Variants in PYDC2 observed in about 807,000 individuals in gnomAD.
The protein encoded by PYDC2 is pyrin domain containing 2, also known as pyrin domain-containing protein 2.
For missense variants in PYDC2, 123 were observed against 112.2 expected (o/e 1.10, Z -0.43); for synonymous variants, 51 against 44.6 (o/e 1.14, Z -0.57).
At position 191,461,300 on chromosome 3, in the gene PYDC2, G is replaced by T. The variant is rs1179344619; in HGVS notation, c.138G>T (p.Glu46Asp). 6.2e-7 allele frequency: 1 copy of T among 1,614,002 alleles called. No homozygotes were observed. Among genetic ancestry groups the T allele is most frequent in the Non-Finnish European group, 8.5e-7 (1 of 1,179,972 alleles). Reference protein sequence around the residue: ...GKELQTVPQTEVDKANGKQLV... With the variant: ...GKELQTVPQTDVDKANGKQLV... The stretch of plus-strand genomic sequence containing the variant: ...AGCTACAGACCGTCCCCCAGACAGA[G>T]GTAGACAAGGCTAATGGGAAGCAAC... Residue 46 changes from glutamate to aspartate, a missense_variant, in exon 1 of 1, where the codon GAG (glutamate) becomes GAT (aspartate). Glu to Asp is a conservative substitution (Grantham distance 45). Coordinates refer to ENST00000518817, the MANE Select transcript of PYDC2 (RefSeq NM_001083308.1).
In PYDC2 at chr3:191,461,328, G is replaced by C. The variant is rs757320262; in HGVS notation, c.166G>C (p.Val56Leu). 6.2e-7 allele frequency: 1 copy of C among 1,613,756 alleles called. No individual in the cohort carries two copies. Among genetic ancestry groups the C allele is most frequent in the Non-Finnish European group, 8.5e-7 (1 of 1,179,944 alleles). The change falls in exon 1 of 1, where the codon GTA (valine) becomes CTA (leucine). Residue 56 changes from valine (V) to leucine (L), a missense_variant. Transcript: ENST00000518817. ...EVDKANGKQL[V>L]EIFTSHSCSY... The stretch of plus-strand genomic sequence containing the variant: ...AGACAAGGCTAATGGGAAGCAACTG[G>C]TAGAAATCTTCACCAGCCACTCCTG...
rs1560191555 is a variant in PYDC2, at chr3:191,461,359, A to G, written c.197A>G (p.Tyr66Cys). Residue 66 changes from tyrosine (Y) to cysteine (C), a missense_variant, in exon 1 of 1, where the codon TAC (tyrosine) becomes TGC (cysteine). By Grantham distance (194) the Tyr-to-Cys change is radical. Coordinates refer to ENST00000518817, the MANE Select transcript of PYDC2 (RefSeq NM_001083308.1). ...VEIFTSHSCSYWAGMAAIQVF... is the reference protein window; with the variant it reads ...VEIFTSHSCSCWAGMAAIQVF... ...ATCTTCACCAGCCACTCCTGCAGCT[A>G]CTGGGCAGGGATGGCAGCCATCCAG... 1 of 1,614,132 alleles carries G rather than the reference A, an allele frequency of 6.2e-7. No individual in the cohort carries two copies. The highest frequency in any genetic ancestry group is 1.1e-5 in the South Asian group (1 of 91,082).
chr3:191,461,221 A>G lies in PYDC2; in HGVS notation c.59A>G (p.Gln20Arg), dbSNP rs1189926141. Reference protein sequence around the residue: ...NLQALLEQLSQDELSKFKSLI... With the variant: ...NLQALLEQLSRDELSKFKSLI... ...CAGGCTCTTCTGGAGCAGCTCAGCC[A>G]GGATGAGTTGAGCAAGTTCAAGTCT... The change falls in exon 1 of 1, where the codon CAG (glutamine) becomes CGG (arginine). Residue 20 changes from glutamine (Q) to arginine (R), a missense_variant. Gln to Arg is a conservative substitution (Grantham distance 43, BLOSUM62 1). Transcript: ENST00000518817. 1.9e-6 allele frequency: 3 copies of G among 1,614,202 alleles called. No individual in the cohort carries two copies. The highest frequency in any genetic ancestry group is 2.5e-6 in the Non-Finnish European group (3 of 1,180,010).
Position 191,461,279 on chromosome 3 carries a change from A to G in PYDC2, c.117A>G (p.Leu39=). ...GAACAATCTCCCTGGGAAAGGAGCTACAGACCGTCCCCCAGACAGAGGTAG... is the reference window on the plus strand; with the variant it reads ...GAACAATCTCCCTGGGAAAGGAGCTGCAGACCGTCCCCCAGACAGAGGTAG... The part of the protein sequence containing the change: ...LIRTISLGKE[L]QTVPQTEVDK... Residue 39 remains leucine (L), a synonymous_variant, in exon 1 of 1, where the codon CTA becomes CTG. Coordinates refer to ENST00000518817, the MANE Select transcript of PYDC2 (RefSeq NM_001083308.1). 6.2e-7 allele frequency: 1 copy of G among 1,614,184 alleles called. No homozygotes were observed. The highest frequency in any genetic ancestry group is 1.1e-5 in the South Asian group (1 of 91,084).
In PYDC2 at chr3:191,461,284, C is replaced by T; in HGVS notation, c.122C>T (p.Thr41Ile). 2 of 1,614,142 alleles carry T rather than the reference C, an allele frequency of 1.2e-6. No homozygotes were observed. The highest frequency in any genetic ancestry group is 8.5e-7 in the Non-Finnish European group (1 of 1,180,010). ...RTISLGKELQ[T>I]VPQTEVDKAN... ...ATCTCCCTGGGAAAGGAGCTACAGACCGTCCCCCAGACAGAGGTAGACAAG... is the reference window on the plus strand; with the variant it reads ...ATCTCCCTGGGAAAGGAGCTACAGATCGTCCCCCAGACAGAGGTAGACAAG... The change falls in exon 1 of 1, where the codon ACC becomes ATC. Residue 41 changes from threonine to isoleucine, a missense_variant. By Grantham distance (89) the Thr-to-Ile change is moderately conservative. Transcript: ENST00000518817.
At position 191,461,216 on chromosome 3, in the gene PYDC2, C is replaced by G; in HGVS notation, c.54C>G (p.Leu18=). The G allele has an allele frequency of 6.2e-6, 10 of 1,614,146 alleles. No individual in the cohort carries two copies. Among genetic ancestry groups the G allele is most frequent in the Non-Finnish European group, 8.5e-6 (10 of 1,180,008 alleles). ...DFNLQALLEQ[L]SQDELSKFKS... is the part of the protein sequence containing the mutation. ...ACCTGCAGGCTCTTCTGGAGCAGCT[C>G]AGCCAGGATGAGTTGAGCAAGTTCA... Residue 18 remains leucine (L), a synonymous_variant, in exon 1 of 1, where the codon CTC becomes CTG. Coordinates refer to ENST00000518817, the MANE Select transcript of PYDC2 (RefSeq NM_001083308.1).
In PYDC2 at chr3:191,461,330, A is replaced by G. The variant is rs758151187; in HGVS notation, c.168A>G (p.Val56=). The part of the protein sequence containing the change: ...EVDKANGKQL[V]EIFTSHSCSY... ...ACAAGGCTAATGGGAAGCAACTGGT[A>G]GAAATCTTCACCAGCCACTCCTGCA... Residue 56 remains valine (V), a synonymous_variant, in exon 1 of 1, where the codon GTA becomes GTG. Coordinates refer to ENST00000518817, the MANE Select transcript of PYDC2 (RefSeq NM_001083308.1). 2.5e-6 allele frequency: 4 copies of G among 1,613,810 alleles called. No homozygotes were observed. The highest frequency in any genetic ancestry group is 1.7e-5 in the Admixed American group (1 of 59,968).
Position 191,461,189 on chromosome 3 carries a change from C to T in PYDC2, c.27C>T (p.Phe9=), listed in dbSNP as rs1213482832. 3 of 1,614,128 alleles carry T rather than the reference C, an allele frequency of 1.9e-6. No individual in the cohort carries two copies. In the Admixed American group the frequency reaches 5.0e-5, roughly 27 times the overall value. Residue 9 remains phenylalanine, a synonymous_variant, in exon 1 of 1, where the codon TTC becomes TTT. Coordinates refer to ENST00000518817, the MANE Select transcript of PYDC2 (RefSeq NM_001083308.1). ...TGGCATCTTCTGCAGAGCTGGACTT[C>T]AACCTGCAGGCTCTTCTGGAGCAGC... The part of the protein sequence containing the change: MASSAELD[F]NLQALLEQLS...
chr3:191,461,243 GTC>G, the PYDC2 span: 1 of 1,614,154 alleles, frequency 6.2e-7, no homozygotes, highest in Non-Finnish European at 8.5e-7. Context: ...GCAAGTTCAA[GTC>G]TCTGATCAGA....
rs373113518 is a variant in PYDC2 at position 191,461,374 on chromosome 3, C to T, written c.212C>T (p.Ala71Val). 184 of 1,614,010 alleles carry T rather than the reference C, an allele frequency of 1.1e-4. No individual in the cohort carries two copies. Among genetic ancestry groups the T allele is most frequent in the Non-Finnish European group, 1.5e-4 (178 of 1,180,006 alleles). ...SHSCSYWAGM[A>V]AIQVFEKMNQ... ...TCCTGCAGCTACTGGGCAGGGATGG[C>T]AGCCATCCAGGTCTTTGAAAAGATG... The change falls in exon 1 of 1, where the codon GCA (alanine) becomes GTA (valine). Residue 71 changes from alanine (A) to valine (V), a missense_variant. Physicochemically the swap from Ala to Val is moderately conservative, Grantham distance 64. Transcript: ENST00000518817.
chr3:191,461,280 C>T, the PYDC2 span: 11 of 1,614,156 alleles, frequency 6.8e-6, no homozygotes, highest in Non-Finnish European at 9.3e-6. Flanking sequence ...AAAGGAGCTA[C>T]AGACCGTCCC....
chr3:191,461,421 A>G lies in PYDC2; in HGVS notation c.259A>G (p.Arg87Gly), dbSNP rs762858098. The G allele has an allele frequency of 6.2e-7, 1 of 1,614,116 alleles. No homozygotes were observed. Among genetic ancestry groups the G allele is most frequent in the Non-Finnish European group, 8.5e-7 (1 of 1,179,964 alleles). ...EKMNQTHLSG[R>G]ADEHCVMPPP ...GATGAATCAAACGCATCTGTCTGGG[A>G]GAGCTGATGAACACTGTGTGATGCC... is the stretch of plus-strand genomic sequence containing the variant. Residue 87 changes from arginine to glycine, a missense_variant, in exon 1 of 1, where the codon AGA becomes GGA. Physicochemically the swap from Arg to Gly is moderately radical, Grantham distance 125. Transcript: ENST00000518817.
At position 191,461,262 on chromosome 3, in the gene PYDC2, T is replaced by C. The variant is rs1315278101; in HGVS notation, c.100T>C (p.Ser34Pro). Reference sequence around the variant, plus strand: ...GTTCAAGTCTCTGATCAGAACAATCTCCCTGGGAAAGGAGCTACAGACCGT... The same window carrying C: ...GTTCAAGTCTCTGATCAGAACAATCCCCCTGGGAAAGGAGCTACAGACCGT... ...SKFKSLIRTI[S>P]LGKELQTVPQ... Residue 34 changes from serine (S) to proline (P), a missense_variant, in exon 1 of 1, where the codon TCC becomes CCC. Physicochemically the swap from Ser to Pro is moderately conservative, Grantham distance 74 (BLOSUM62 -1). Coordinates refer to ENST00000518817, the MANE Select transcript of PYDC2 (RefSeq NM_001083308.1). 3 of 1,613,948 alleles carry C rather than the reference T, an allele frequency of 1.9e-6. No homozygotes were observed. In the Admixed American group the frequency reaches 5.0e-5, roughly 27 times the overall value.
rs1715173517 is a variant in PYDC2, at chr3:191,461,324, A to T, written c.162A>T (p.Gln54His). The T allele has an allele frequency of 6.2e-7, 1 of 1,613,906 alleles. No individual in the cohort carries two copies. Among genetic ancestry groups the T allele is most frequent in the Non-Finnish European group, 8.5e-7 (1 of 1,179,934 alleles). ...QTEVDKANGK[Q>H]LVEIFTSHSC... ...AGGTAGACAAGGCTAATGGGAAGCA[A>T]CTGGTAGAAATCTTCACCAGCCACT... The change falls in exon 1 of 1, where the codon CAA (glutamine) becomes CAT (histidine). Residue 54 changes from glutamine to histidine, a missense_variant. By Grantham distance (24) the Gln-to-His change is conservative (BLOSUM62 0). Coordinates refer to ENST00000518817, the MANE Select transcript of PYDC2 (RefSeq NM_001083308.1).
chr3:191,461,422 G>T lies in PYDC2; in HGVS notation c.260G>T (p.Arg87Ile), dbSNP rs766177201. The change falls in exon 1 of 1, where the codon AGA becomes ATA. Residue 87 changes from arginine (R) to isoleucine (I), a missense_variant. Arg to Ile is a moderately conservative substitution (Grantham distance 97). Transcript: ENST00000518817. ...ATGAATCAAACGCATCTGTCTGGGA[G>T]AGCTGATGAACACTGTGTGATGCCC... Reference protein sequence around the residue: ...EKMNQTHLSGRADEHCVMPPP With the variant: ...EKMNQTHLSGIADEHCVMPPP The T allele has an allele frequency of 6.2e-7, 1 of 1,614,110 alleles. No individual in the cohort carries two copies. The highest frequency in any genetic ancestry group is 8.5e-7 in the Non-Finnish European group (1 of 1,179,980).
At position 191,461,425 on chromosome 3, in the gene PYDC2, C is replaced by G; in HGVS notation, c.263C>G (p.Ala88Gly). The G allele has an allele frequency of 6.2e-7, 1 of 1,613,874 alleles. No homozygotes were observed. The highest frequency in any genetic ancestry group is 8.5e-7 in the Non-Finnish European group (1 of 1,179,804). The stretch of plus-strand genomic sequence containing the variant: ...AATCAAACGCATCTGTCTGGGAGAG[C>G]TGATGAACACTGTGTGATGCCCCCA... ...KMNQTHLSGR[A>G]DEHCVMPPP The change falls in exon 1 of 1, where the codon GCT (alanine) becomes GGT (glycine). Residue 88 changes from alanine (A) to glycine (G), a missense_variant. By Grantham distance (60) the Ala-to-Gly change is moderately conservative (BLOSUM62 0). Coordinates refer to ENST00000518817, the MANE Select transcript of PYDC2 (RefSeq NM_001083308.1).
In PYDC2 at chr3:191,461,166, G is replaced by A. The variant is rs747258913; in HGVS notation, c.4G>A (p.Ala2Thr). The A allele has an allele frequency of 1.9e-6, 3 of 1,613,490 alleles. No individual in the cohort carries two copies. The highest frequency in any genetic ancestry group is 2.5e-6 in the Non-Finnish European group (3 of 1,179,582). Residue 2 changes from alanine to threonine, a missense_variant, in exon 1 of 1, where the codon GCA becomes ACA. Transcript: ENST00000518817. ...GAGAGCTCCCACATAGGACAAGATG[G>A]CATCTTCTGCAGAGCTGGACTTCAA... M[A>T]SSAELDFNLQ...
chr3:191,461,327 G>A lies in PYDC2; in HGVS notation c.165G>A (p.Leu55=). Residue 55 remains leucine (L), a synonymous_variant, in exon 1 of 1, where the codon CTG becomes CTA. Transcript: ENST00000518817. The stretch of plus-strand genomic sequence containing the variant: ...TAGACAAGGCTAATGGGAAGCAACT[G>A]GTAGAAATCTTCACCAGCCACTCCT... ...TEVDKANGKQ[L]VEIFTSHSCS... is the part of the protein sequence containing the mutation. 6.2e-7 allele frequency: 1 copy of A among 1,613,886 alleles called. No individual in the cohort carries two copies. Among genetic ancestry groups the A allele is most frequent in the Non-Finnish European group, 8.5e-7 (1 of 1,179,920 alleles).
chr3:191,461,282 G>A lies in PYDC2; in HGVS notation c.120G>A (p.Gln40=). 3 of 1,614,142 alleles carry A rather than the reference G, an allele frequency of 1.9e-6. No homozygotes were observed. Among genetic ancestry groups the A allele is most frequent in the Non-Finnish European group, 2.5e-6 (3 of 1,180,006 alleles). The change falls in exon 1 of 1, where the codon CAG becomes CAA. Residue 40 remains glutamine (Q), a synonymous_variant. Coordinates refer to ENST00000518817, the MANE Select transcript of PYDC2 (RefSeq NM_001083308.1). ...IRTISLGKEL[Q]TVPQTEVDKA... Reference sequence around the variant, plus strand: ...CAATCTCCCTGGGAAAGGAGCTACAGACCGTCCCCCAGACAGAGGTAGACA... The same window carrying A: ...CAATCTCCCTGGGAAAGGAGCTACAAACCGTCCCCCAGACAGAGGTAGACA...
Sources: allele counts gnomAD v4.1 joint callset, GRCh38; gene constraint gnomAD v4.1.1; transcripts MANE v1.5; gene names NCBI Gene and HGNC (gene_info 2026-07-23, HGNC 2026-07-21).